The following ASGR1 variants were observed in gnomAD, a reference collection of about 807,000 sequenced individuals.
ASGR1 encodes C-type lectin domain family 4 member H1.
Under a neutral mutation model 33.1 loss-of-function variants are expected in ASGR1, and 35 were observed. The ratio of observed to expected loss-of-function variants is 1.06; its 90% CI spans 0.81 to 1.40. ASGR1 has a LOEUF of 1.40. Ranked by LOEUF, ASGR1 falls within the 40% of genes most tolerant of loss-of-function variation. ASGR1 has a pLI of 0.00. For missense variants in ASGR1, 396 were observed against 373.7 expected (o/e 1.06, Z -0.49); for synonymous variants, 142 against 152.5 (o/e 0.93, Z 0.51).
intron 1 of ASGR1, chr17:7,178,871 G>A: frequency 3.9e-6 from 1 of 257,644 alleles, no homozygotes; most frequent in Non-Finnish European, 7.3e-6. Flanking sequence ...GGAGTAGCTG[G>A]GACAACAGGT....
At chr17:7,178,377 G>GGAGGGAGACAGACCCAGA in intron 2 of ASGR1, 117 bp downstream of exon 2, 1 of 1,075,572 alleles carries the variant, frequency 9.3e-7, no homozygotes, top group Non-Finnish European at 1.4e-6. Flanking sequence ...CAGTGTTGGG[G>GGAGGGAGACAGACCCAGA]GAGGGAGACA....
Position 7,173,891 on chromosome 17 carries a change from A to C in ASGR1, c.702-58T>G, listed in dbSNP as rs2069163189. ...GTCGGATCCGCAGGCGGGTCGCTCC[A>C]GACTCCTCAGCCCAGGGCCCCAGGG... is the stretch of plus-strand genomic sequence containing the variant. On this transcript the variant is annotated intron_variant, in intron 8 of 8. Coordinates refer to ENST00000269299, the MANE Select transcript of ASGR1 (RefSeq NM_001671.5). This position sits in a 1 kb window ranked among gnomAD's most constrained non-coding sequence, Gnocchi z 4.7. The C allele has an allele frequency of 3.1e-6, 5 of 1,609,468 alleles. No homozygotes were observed. Among genetic ancestry groups the C allele is most frequent in the Non-Finnish European group, 4.2e-6 (5 of 1,178,310 alleles).
intron 5 of ASGR1, chr17:7,176,515 C>G (rs111067483): frequency 2.2e-6 from 1 of 449,678 alleles, no homozygotes; most frequent in Non-Finnish European, 4.0e-6. Flanking sequence ...AGACACACAC[C>G]CCCTCTCATT....
chr17:7,175,090 GACA>G (rs967307638), intron 5 of ASGR1, among the ~76,000 whole-genome samples: 13 of 118,592 alleles, frequency 1.1e-4, no homozygotes, highest in South Asian at 5.6e-4. Context: ...CACATACACA[GACA>G]ACACACAAAA....
rs763318667 is a variant in ASGR1 at position 7,174,313 on chromosome 17, G to A, written c.443-24C>T. 16 of 1,613,624 alleles carry A rather than the reference G, an allele frequency of 9.9e-6. No individual in the cohort carries two copies. The East Asian group carries it at 2.5e-4, about 25-fold the overall frequency. On this transcript the variant is annotated intron_variant, in intron 6 of 8. Coordinates refer to ENST00000269299, the MANE Select transcript of ASGR1 (RefSeq NM_001671.5). ...GCCTGAGCGGGAGAAACGGGGCGCAGGGGCTAAGCGCTGCCCAGAGAAGGG... is the reference window on the plus strand; with the variant it reads ...GCCTGAGCGGGAGAAACGGGGCGCAAGGGCTAAGCGCTGCCCAGAGAAGGG...
chr17:7,174,346 A>C lies in ASGR1; in HGVS notation c.442+28T>G, dbSNP rs748746332. ...GCGCTGCCCAGAGAAGGGGGGAGGC[A>C]GAGAGCGGGCCGGGCTGGCCTCCTT... is the stretch of plus-strand genomic sequence containing the variant. On this transcript the variant is annotated intron_variant, in intron 6 of 8. Transcript: ENST00000269299. The C allele has an allele frequency of 6.8e-6, 11 of 1,613,776 alleles. No individual in the cohort carries two copies. In the Admixed American group the frequency reaches 1.8e-4, roughly 27 times the overall value.
chr17:7,176,529 A>ACACT (rs1555597839), intron 5 of ASGR1: 4 of 494,514 alleles, frequency 8.1e-6, no homozygotes, highest in African/African-American at 6.6e-5. Context: ...TCTCATTCCC[A>ACACT]CACACACACC....
At position 7,177,215 on chromosome 17, in the gene ASGR1, G is replaced by A; in HGVS notation, c.182C>T (p.Ser61Phe). The A allele has an allele frequency of 1.2e-6, 2 of 1,613,514 alleles. No individual in the cohort carries two copies. Among genetic ancestry groups the A allele is most frequent in the Non-Finnish European group, 1.7e-6 (2 of 1,179,926 alleles). The change falls in exon 3 of 9, where the codon TCC (serine) becomes TTC (phenylalanine). Residue 61 changes from serine (S) to phenylalanine (F), a missense_variant. Ser to Phe is a radical substitution (Grantham distance 155). Transcript: ENST00000269299. Reference protein sequence around the residue: ...LLLVVVCVIGSQNSQLQEELR... With the variant: ...LLLVVVCVIGFQNSQLQEELR... ...CCCACCCCTGGGGCACCCACTTTGG[G>A]ATCCGATCACACAGACAACCACAAG...
At chr17:7,176,931 A>T (rs1567794177) in intron 4 of ASGR1, 30 bp from the exon 5 acceptor site, 1 of 1,609,702 alleles carries the variant, frequency 6.2e-7, no homozygotes, top group Non-Finnish European at 8.5e-7. Context: ...AGCGTTCCCG[A>T]CAGCCCCCCA....
At chr17:7,178,840 G>A (rs1188713017) in intron 1 of ASGR1, 2 of 296,772 alleles carry the variant, frequency 6.7e-6, no homozygotes, top group African/African-American at 2.3e-5. Context: ...GGGTTCAAGC[G>A]GTTCTCCTGC....
At chr17:7,176,756 ACTTT>A in intron 5 of ASGR1, 70 bp downstream of exon 5, 5 of 1,568,688 alleles carry the variant, frequency 3.2e-6, no homozygotes, top group Non-Finnish European at 4.3e-6. Context: ...ACACACTCAC[ACTTT>A]CTCACACACA....
intron 5 of ASGR1, among the ~76,000 whole-genome samples, chr17:7,175,767 AT>A (rs1224683176): frequency 1.4e-5 from 2 of 145,192 alleles, no homozygotes; most frequent in Non-Finnish European, 1.5e-5. Context: ...ACTCCTTCTC[AT>A]TTTCACACAG....
chr17:7,178,724 CTTTTTTTTCTTTTCTTTTTTT>C, intron 1 of ASGR1, 136 bp from the exon 2 acceptor site: 1 of 427,438 alleles, frequency 2.3e-6, no homozygotes, highest in Non-Finnish European at 3.9e-6. Flanking sequence ...TTTTCTTTTT[CTTTTTTTTCTTTTCTTTTTTT>C]TTTTTTTTTT....
Position 7,173,573 on chromosome 17 carries a change from A to T in ASGR1, c.*86T>A, listed in dbSNP as rs980719914. ...CCTTCCCTTAAAATCCTAGATGAAA[A>T]TTCCCGAGAAAGCAGAAGAGGCCCC... On this transcript the variant is annotated 3_prime_UTR_variant, in exon 9 of 9. Transcript: ENST00000269299. The surrounding 1 kb of genome is among the most constrained non-coding windows in gnomAD (Gnocchi z 4.7). 12 of 1,556,800 alleles carry T rather than the reference A, an allele frequency of 7.7e-6. No individual in the cohort carries two copies. Among genetic ancestry groups the T allele is most frequent in the Middle Eastern group, 2.3e-4 (1 of 4,364 alleles).
intron 5 of ASGR1, chr17:7,176,627 C>G: frequency 1.5e-6 from 1 of 669,006 alleles, no homozygotes; most frequent in Admixed American, 2.6e-5. Context: ...CATACACACT[C>G]CCTCTCATTC....
Position 7,174,382 on chromosome 17 carries a change from T to C in ASGR1, c.434A>G (p.Gln145Arg), listed in dbSNP as rs760755131. The C allele has an allele frequency of 2.1e-5, 34 of 1,613,818 alleles. No individual in the cohort carries two copies. The highest frequency in any genetic ancestry group is 2.9e-5 in the Non-Finnish European group (34 of 1,179,952). ...CGGGCTGGCCTCCTTACCATTGCCC[T>C]GGAGCGCCGCCATCTGACAGCTCAG... ...RSLSCQMAAL[Q>R]GNGSERTCCP... is the part of the protein sequence containing the mutation. The change falls in exon 6 of 9, where the codon CAG (glutamine) becomes CGG (arginine). Residue 145 changes from glutamine (Q) to arginine (R), a missense_variant. Coordinates refer to ENST00000269299, the MANE Select transcript of ASGR1 (RefSeq NM_001671.5).
intron 5 of ASGR1, among the ~76,000 whole-genome samples, chr17:7,175,988 T>C (rs1047778811): frequency 1.4e-5 from 2 of 140,880 alleles, no homozygotes; most frequent in Non-Finnish European, 3.0e-5. Flanking sequence ...ACACATACAC[T>C]GACACATTCT....
Position 7,173,480 on chromosome 17 carries a change from A to G in ASGR1, c.*179T>C, listed in dbSNP as rs2069157972. On this transcript the variant is annotated 3_prime_UTR_variant, in exon 9 of 9. Coordinates refer to ENST00000269299, the MANE Select transcript of ASGR1 (RefSeq NM_001671.5). The surrounding 1 kb of genome is among the most constrained non-coding windows in gnomAD (Gnocchi z 4.7). Reference sequence around the variant, plus strand: ...TAAAAAAAAAAAGTTCACAATGATAACCTGCAAACTGCAGAAAGCGCCACG... The same window carrying G: ...TAAAAAAAAAAAGTTCACAATGATAGCCTGCAAACTGCAGAAAGCGCCACG... The G allele has an allele frequency of 7.5e-6, 6 of 800,944 alleles. No homozygotes were observed. Among genetic ancestry groups the G allele is most frequent in the South Asian group, 7.4e-5 (4 of 53,854 alleles). 49.6% of individuals were successfully genotyped at this position (800,944 alleles called of 1,614,324 possible). A position where few individuals can be genotyped will look rare whatever the true frequency, so the allele number is the denominator to read the frequency against.
Position 7,174,029 on chromosome 17 carries a change from C to G in ASGR1, c.633G>C (p.Trp211Cys), listed in dbSNP as rs1420622164. ...GCCCGTTTTGGTCGTGGAGGCCCAT[C>G]CAGGTGTTCACAGGGCCTATGTGGT... ...VQHHIGPVNTWMGLHDQNGPW... is the reference protein window; with the variant it reads ...VQHHIGPVNTCMGLHDQNGPW... The change falls in exon 8 of 9, where the codon TGG becomes TGC. Residue 211 changes from tryptophan (W) to cysteine (C), a missense_variant. Transcript: ENST00000269299. 1.9e-6 allele frequency: 3 copies of G among 1,614,110 alleles called. No homozygotes were observed. In the African/African-American group the frequency reaches 4.0e-5, roughly 22 times the overall value.
Sources: allele counts gnomAD v4.1 joint callset (sites outside exome capture counted in the v4.1 genomes callset), GRCh38; gene constraint gnomAD v4.1.1; non-coding constraint Gnocchi (gnomAD v3.1); transcripts MANE v1.5; gene names NCBI Gene and HGNC (gene_info 2026-07-23, HGNC 2026-07-21).